CNTN4: variants seen among roughly 807,000 people sequenced by gnomAD.
CNTN4 encodes contactin-4.
Under a neutral mutation model 122.5 loss-of-function variants are expected in CNTN4, and 77 were observed. The ratio of observed to expected loss-of-function variants is 0.63; its 90% CI spans 0.52 to 0.76. The LOEUF (loss-of-function observed/expected upper bound fraction) is 0.76. Ranked by LOEUF, CNTN4 falls within the 30% of genes least tolerant of loss-of-function variation. CNTN4 has a pLI of 0.00. For synonymous variants in CNTN4, 512 were observed against 447.0 expected (o/e 1.15, Z -1.83); for missense variants, 1,256 against 1,259.1 (o/e 1.00, Z 0.04).
intron 2 of CNTN4, among the ~76,000 whole-genome samples, chr3:2,179,073 A>G (rs926362621): frequency 6.6e-6 from 1 of 152,032 alleles, no homozygotes; most frequent in Non-Finnish European, 1.5e-5. Flanking sequence ...CCGAGGTAAT[A>G]ATGATCATTT....
At chr3:2,646,028 C>T (rs948135604) in intron 4 of CNTN4, among the ~76,000 whole-genome samples, 2 of 152,150 alleles carry the variant, frequency 1.3e-5, no homozygotes, top group East Asian at 3.8e-4. Flanking sequence ...TACACCAGAG[C>T]TTAGTATTTG....
intron 4 of CNTN4, among the ~76,000 whole-genome samples, chr3:2,591,638 ACAGGCGTGAGCCACCGCGCCCGGCC>A (rs1190533641): frequency 3.9e-4 from 20 of 51,788 alleles, no homozygotes; most frequent in South Asian, 8.2e-4. Context: ...TGCTGGGATT[ACAGGCGTGAGCCACCGCGCCCGGCC>A]GATTTGTGAC....
chr3:2,407,329 T>G (rs1484762733), intron 3 of CNTN4, among the ~76,000 whole-genome samples: 1 of 152,166 alleles, frequency 6.6e-6, no homozygotes, highest in Non-Finnish European at 1.5e-5. Context: ...CCAAATATAC[T>G]TAAAGAATCA....
chr3:2,678,448 A>C (rs2084989266), intron 4 of CNTN4, among the ~76,000 whole-genome samples: 1 of 152,146 alleles, frequency 6.6e-6, no homozygotes, highest in African/African-American at 2.4e-5. Context: ...CAAACTCATT[A>C]TTTATGTCAC....
intron 6 of CNTN4, among the ~76,000 whole-genome samples, chr3:2,751,125 C>A (rs2149603067): frequency 7.2e-6 from 1 of 138,766 alleles, no homozygotes; most frequent in Non-Finnish European, 1.5e-5. Context: ...CATGGTGAAA[C>A]CCCATCTCTA....
intron 4 of CNTN4, among the ~76,000 whole-genome samples, chr3:2,653,343 G>A (rs951438238): frequency 6.6e-6 from 1 of 151,958 alleles, no homozygotes; most frequent in East Asian, 1.9e-4. Context: ...ATTTGATGTT[G>A]TCTACCAGTT....
intron 14 of CNTN4, among the ~76,000 whole-genome samples, chr3:2,995,373 G>A (rs1002979123): frequency 2.6e-5 from 4 of 152,186 alleles, no homozygotes; most frequent in African/African-American, 9.7e-5. Flanking sequence ...TATCAATCAT[G>A]AGTAGAATGA....
intron 4 of CNTN4, among the ~76,000 whole-genome samples, chr3:2,710,662 T>G (rs1459899015): frequency 6.6e-6 from 1 of 152,194 alleles, no homozygotes; most frequent in Non-Finnish European, 1.5e-5. Context: ...TGGCCACCCG[T>G]GGACTTGTCA....
At chr3:2,822,408 T>C (rs1266919423) in intron 7 of CNTN4, among the ~76,000 whole-genome samples, 2 of 152,202 alleles carry the variant, frequency 1.3e-5, no homozygotes, top group Non-Finnish European at 2.9e-5. Flanking sequence ...GCTAAACATC[T>C]TGTTTATCAA....
chr3:2,247,891 G>A (rs1228460595), intron 2 of CNTN4, among the ~76,000 whole-genome samples: 2 of 151,844 alleles, frequency 1.3e-5, no homozygotes, highest in African/African-American at 4.8e-5. Context: ...ATTCTCTCAG[G>A]ACTTCATGCA....
chr3:3,054,102 C>T (rs1418405782), intron 24 of CNTN4, 127 bp downstream of exon 24: 1 of 977,426 alleles, frequency 1.0e-6, no homozygotes, highest in South Asian at 1.4e-5. Context: ...AGAACACTAC[C>T]CCCCTTCTCC....
intron 6 of CNTN4, among the ~76,000 whole-genome samples, chr3:2,794,425 A>G (rs2092107165): frequency 6.6e-6 from 1 of 152,244 alleles, no homozygotes; most frequent in African/African-American, 2.4e-5. Context: ...GATACAATAA[A>G]TAGTAACTCC....
At chr3:2,589,929 G>T (rs926846312) in intron 4 of CNTN4, among the ~76,000 whole-genome samples, 7 of 152,152 alleles carry the variant, frequency 4.6e-5, no homozygotes, top group Non-Finnish European at 4.4e-5. Flanking sequence ...AGTCACAGTT[G>T]TCAGTTCCAT....
intron 4 of CNTN4, among the ~76,000 whole-genome samples, chr3:2,588,825 C>A (rs1304220374): frequency 6.7e-6 from 1 of 149,420 alleles, no homozygotes; most frequent in African/African-American, 2.5e-5. Context: ...CTGTAATGCC[C>A]CAATGTAATA....
At chr3:2,450,221 G>T (rs922676536) in intron 3 of CNTN4, among the ~76,000 whole-genome samples, 6 of 152,004 alleles carry the variant, frequency 3.9e-5, no homozygotes, top group African/African-American at 1.5e-4. Flanking sequence ...ACAGAAATTA[G>T]CTGGTCATGC....
chr3:2,763,235 A>G (rs1387597400), intron 6 of CNTN4, among the ~76,000 whole-genome samples: 2 of 152,078 alleles, frequency 1.3e-5, no homozygotes, highest in South Asian at 2.1e-4. Flanking sequence ...GTAAGCCACC[A>G]CACGCAGCTG....
intron 4 of CNTN4, among the ~76,000 whole-genome samples, chr3:2,582,689 G>T (rs1289010121): frequency 6.6e-6 from 1 of 152,160 alleles, no homozygotes; most frequent in Non-Finnish European, 1.5e-5. Flanking sequence ...CAGCCTCTGT[G>T]GTGTGAGAGT....
chr3:2,687,419 G>T (rs1035370852), intron 4 of CNTN4, among the ~76,000 whole-genome samples: 2 of 152,082 alleles, frequency 1.3e-5, no homozygotes, highest in Non-Finnish European at 2.9e-5. Context: ...TCAGCACTCT[G>T]GGAGACCGAG....
chr3:2,605,480 G>A (rs1420840298), intron 4 of CNTN4, among the ~76,000 whole-genome samples: 1 of 152,074 alleles, frequency 6.6e-6, no homozygotes, highest in Non-Finnish European at 1.5e-5. Flanking sequence ...TTAGACAAAG[G>A]GGTGTCTTGA....
Sources: gnomAD v4.1 joint callset for allele counts (sites outside exome capture counted in the v4.1 genomes callset) on GRCh38, gnomAD v4.1.1 for gene constraint, MANE v1.5 for transcripts, NCBI Gene and HGNC (gene_info 2026-07-23, HGNC 2026-07-21) for gene names.